Variants in APLN observed in about 807,000 individuals in gnomAD.
The protein encoded by APLN is AGTRL1 ligand.
APLN carries 2 observed loss-of-function variants against 4.3 expected under a neutral mutation model. The ratio of observed to expected loss-of-function variants is 0.46; its 90% CI spans 0.19 to 1.45. The LOEUF (loss-of-function observed/expected upper bound fraction) is 1.45. Ranked by LOEUF, APLN falls within the 40% of genes most tolerant of loss-of-function variation. APLN has a pLI of 0.25. For missense variants in APLN, 80 were observed against 70.0 expected, an observed-to-expected ratio of 1.14 and a Z score of -0.51; for synonymous variants, 34 against 30.4, an observed-to-expected ratio of 1.12 and a Z score of -0.38.
chrX:129,647,116 T>C lies in APLN; in HGVS notation c.*807A>G. The C allele has an allele frequency of 8.2e-6, 1 of 122,445 alleles. No homozygotes were observed. Among genetic ancestry groups the C allele is most frequent in the South Asian group, 2.6e-4 (1 of 3,900 alleles). The allele number at this position is 122,445 out of a possible 1,213,427, so 10.1% of individuals were successfully genotyped here. On this transcript the variant is annotated 3_prime_UTR_variant, in exon 3 of 3. Transcript: ENST00000429967. ...GGGTCCTGTCAGCTCTAACATTCTG[T>C]GATTCTTGGCAAAAACAACCTCTTG...
intron 1 of APLN, among the ~76,000 whole-genome samples, chrX:129,653,196 C>G (rs952313561): frequency 8.9e-6 from 1 of 112,723 alleles, no homozygotes; most frequent in African/African-American, 3.2e-5. Context: ...TACCTGGAGG[C>G]AGGAGGTGCC....
chrX:129,645,527 A>T lies in APLN; in HGVS notation c.*2396T>A, dbSNP rs767018969. 5 of 112,221 alleles carry T rather than the reference A, an allele frequency of 4.5e-5. No homozygotes were observed. The East Asian group carries it at 8.7e-4, about 20-fold the overall frequency. The allele number at this position is 112,221 out of a possible 1,213,427, so 9.2% of individuals were successfully genotyped here. ...AGTATGTTCTTAAATAAACTGCTTT[A>T]AAAAAATTCTTCAAATGACACTGCC... is the stretch of plus-strand genomic sequence containing the variant. On this transcript the variant is annotated 3_prime_UTR_variant, in exon 3 of 3. Coordinates refer to ENST00000429967, the MANE Select transcript of APLN (RefSeq NM_017413.5).
chrX:129,654,367 C>A (rs753685847), intron 1 of APLN, among the ~76,000 whole-genome samples, 197 bp downstream of exon 1: 1 of 113,312 alleles, frequency 8.8e-6, no homozygotes, highest in African/African-American at 3.2e-5. Context: ...TTGAGCCCCG[C>A]AAAAGAAGCA....
chrX:129,653,756 C>T (rs2124451455), intron 1 of APLN, among the ~76,000 whole-genome samples: 1 of 112,586 alleles, frequency 8.9e-6, no homozygotes, highest in East Asian at 2.8e-4. Flanking sequence ...TGTGCTTCCT[C>T]CTTTGGTGCC....
At position 129,647,437 on chromosome X, in the gene APLN, A is replaced by T; in HGVS notation, c.*486T>A. 3.1e-6 allele frequency: 1 copy of T among 318,448 alleles called. No individual in the cohort carries two copies. The highest frequency in any genetic ancestry group is 5.2e-6 in the Non-Finnish European group (1 of 192,282). The allele number at this position is 318,448 out of a possible 1,213,427, so 26.2% of individuals were successfully genotyped here. On this transcript the variant is annotated 3_prime_UTR_variant, in exon 3 of 3. Transcript: ENST00000429967. The stretch of plus-strand genomic sequence containing the variant: ...TCCCCGCAGCCAGCACCTCTTAACT[A>T]GAGTCTCTCCTTGCTTTTCTCTGCA...
chrX:129,647,879 A>G lies in APLN; in HGVS notation c.*44T>C. The stretch of plus-strand genomic sequence containing the variant: ...AAGCAGACCAATCTATGGAGGAGAC[A>G]TAACCGCCGGGGGTGGGCACTTGGG... On this transcript the variant is annotated 3_prime_UTR_variant, in exon 3 of 3. Transcript: ENST00000429967. 2 of 983,335 alleles carry G rather than the reference A, an allele frequency of 2.0e-6. No individual in the cohort carries two copies. The highest frequency in any genetic ancestry group is 2.6e-6 in the Non-Finnish European group (2 of 756,204). 81.0% of individuals were successfully genotyped at this position (983,335 alleles called of 1,213,427 possible). A position where few individuals can be genotyped will look rare whatever the true frequency, so the allele number is the denominator to read the frequency against.
chrX:129,648,377 G>T (rs941598812), intron 2 of APLN, among the ~76,000 whole-genome samples: 2 of 112,560 alleles, frequency 1.8e-5, no homozygotes, highest in African/African-American at 6.5e-5. Context: ...CAGCAGGGTG[G>T]AAGGGAGACT....
Position 129,648,792 on chromosome X carries a change from C to G in APLN, c.68G>C (p.Gly23Ala). ...CCCATCGGGAAGCGGCATCAGGGACCCTGCAGGAAGGAGAAAGCCTGTTAG... is the reference window on the plus strand; with the variant it reads ...CCCATCGGGAAGCGGCATCAGGGACGCTGCAGGAAGGAGAAAGCCTGTTAG... The part of the protein sequence containing the change: ...LWLSLTAVCG[G>A]SLMPLPDGNG... The change falls in exon 2 of 3, where the codon GGG (glycine) becomes GCG (alanine). Residue 23 changes from glycine to alanine, a missense_variant and splice_region_variant. Gly to Ala is a moderately conservative substitution (Grantham distance 60, BLOSUM62 0). Transcript: ENST00000429967. 8.6e-7 allele frequency: 1 copy of G among 1,159,896 alleles called. No individual in the cohort carries two copies. Among genetic ancestry groups the G allele is most frequent in the African/African-American group, 1.8e-5 (1 of 56,280 alleles).
At chrX:129,652,738 C>G (rs1048069785) in intron 1 of APLN, among the ~76,000 whole-genome samples, 2 of 112,380 alleles carry the variant, frequency 1.8e-5, no homozygotes, top group African/African-American at 6.5e-5. Context: ...GTTCGGGCAT[C>G]CTGGCTGACT....
At chrX:129,653,968 G>A (rs1936993028) in intron 1 of APLN, among the ~76,000 whole-genome samples, 3 of 111,890 alleles carry the variant, frequency 2.7e-5, no homozygotes, top group Non-Finnish European at 5.7e-5. Flanking sequence ...GCCCTGCCTG[G>A]GGGAGGCTGC....
intron 1 of APLN, among the ~76,000 whole-genome samples, chrX:129,649,071 G>A (rs1290545394): frequency 9.0e-6 from 1 of 111,383 alleles, no homozygotes; most frequent in Non-Finnish European, 1.9e-5. Flanking sequence ...TCTTTCTTTG[G>A]AACGTCATTG....
At chrX:129,654,078 G>C (rs1433752908) in intron 1 of APLN, among the ~76,000 whole-genome samples, 1 of 113,259 alleles carries the variant, frequency 8.8e-6, no homozygotes, top group African/African-American at 3.2e-5. Context: ...ACGTCTGCAT[G>C]TTGGCACATC....
intron 1 of APLN, among the ~76,000 whole-genome samples, chrX:129,650,181 C>T (rs1437481202): frequency 9.0e-6 from 1 of 111,037 alleles, no homozygotes; most frequent in Non-Finnish European, 1.9e-5. Context: ...GAATTCCCAC[C>T]ACTTGCTCAC....
rs756165498 is a variant in APLN, at chrX:129,648,773, G to A, written c.87C>T (p.Pro29=). ...AVCGGSLMPL[P]DGNGLEDGNV... is the part of the protein sequence containing the mutation. ...TGCCGTCTTCCAGCCCATTCCCATC[G>A]GGAAGCGGCATCAGGGACCCTGCAG... Residue 29 remains proline, a synonymous_variant, in exon 2 of 3, where the codon CCC becomes CCT. Transcript: ENST00000429967. The A allele has an allele frequency of 1.5e-5, 18 of 1,169,953 alleles. No homozygotes were observed. The East Asian group carries it at 4.8e-4, about 31-fold the overall frequency.
At chrX:129,650,845 T>C (rs973884769) in intron 1 of APLN, among the ~76,000 whole-genome samples, 2 of 111,701 alleles carry the variant, frequency 1.8e-5, no homozygotes, top group African/African-American at 6.5e-5. Flanking sequence ...CTCACCCTGA[T>C]CACTGAGGGC....
At position 129,648,791 on chromosome X, in the gene APLN, C is replaced by T. The variant is rs1369198096; in HGVS notation, c.69G>A (p.Gly23=). 4 of 1,163,308 alleles carry T rather than the reference C, an allele frequency of 3.4e-6. No homozygotes were observed. In the South Asian group the frequency reaches 5.9e-5, roughly 17 times the overall value. The change falls in exon 2 of 3, where the codon GGG becomes GGA. Residue 23 remains glycine, a splice_region_variant and synonymous_variant. Coordinates refer to ENST00000429967, the MANE Select transcript of APLN (RefSeq NM_017413.5). ...LWLSLTAVCG[G]SLMPLPDGNG... is the part of the protein sequence containing the mutation. ...TCCCATCGGGAAGCGGCATCAGGGA[C>T]CCTGCAGGAAGGAGAAAGCCTGTTA...
At position 129,654,603 on chromosome X, in the gene APLN, G is replaced by T. The variant is rs1262987028; in HGVS notation, c.28C>A (p.Leu10Ile). The change falls in exon 1 of 3, where the codon CTC (leucine) becomes ATC (isoleucine). Residue 10 changes from leucine (L) to isoleucine (I), a missense_variant. Physicochemically the swap from Leu to Ile is conservative, Grantham distance 5. Coordinates refer to ENST00000429967, the MANE Select transcript of APLN (RefSeq NM_017413.5). ...GTCAAGGAGAGCCAGAGCAGCAGGAGCGCCTGCACGCAGAGCCGCAGATTC... is the reference window on the plus strand; with the variant it reads ...GTCAAGGAGAGCCAGAGCAGCAGGATCGCCTGCACGCAGAGCCGCAGATTC... Reference protein sequence around the residue: MNLRLCVQALLLLWLSLTAV... With the variant: MNLRLCVQAILLLWLSLTAV... 1 of 1,153,473 alleles carries T rather than the reference G, an allele frequency of 8.7e-7. No homozygotes were observed. The highest frequency in any genetic ancestry group is 1.2e-6 in the Non-Finnish European group (1 of 868,798).
chrX:129,654,048 C>A (rs1429701104), intron 1 of APLN, among the ~76,000 whole-genome samples: 1 of 113,006 alleles, frequency 8.8e-6, no homozygotes, highest in African/African-American at 3.2e-5. Context: ...CCGCGCACTC[C>A]TGCCTATGCA....
At chrX:129,652,575 TAGAGA>T (rs777810230) in intron 1 of APLN, among the ~76,000 whole-genome samples, 1 of 111,409 alleles carries the variant, frequency 9.0e-6, no homozygotes, top group Non-Finnish European at 1.9e-5. Context: ...AGTCAGGGAG[TAGAGA>T]AGTCAGTGAG....
Sources: gnomAD v4.1 joint callset for allele counts (sites outside exome capture counted in the v4.1 genomes callset) on GRCh38, gnomAD v4.1.1 for gene constraint, MANE v1.5 for transcripts, NCBI Gene and HGNC (gene_info 2026-07-23, HGNC 2026-07-21) for gene names.